ULK4: variants seen among roughly 807,000 people sequenced by gnomAD.
ULK4 encodes the protein unc-51 like kinase 4.
ULK4 carries 133 observed loss-of-function variants against 160.6 expected under a neutral mutation model. The ratio of observed to expected loss-of-function variants is 0.83; its 90% confidence interval spans 0.72 to 0.96. The LOEUF is 0.96. ULK4 is among the 40% of genes least tolerant of loss of function. The probability of loss-of-function intolerance (pLI) is 0.00; values close to 1 mark genes in which losing one functional copy is unlikely to be tolerated. For missense variants in ULK4, 1,580 were observed against 1,499.5 expected (o/e 1.05, Z -0.89); for synonymous variants, 534 against 539.8 (o/e 0.99, Z 0.15).
rs1247193105 is a variant in ULK4, at chr3:41,457,845, C to T, written c.3394-2250G>A. On this transcript the variant is annotated intron_variant, in intron 33 of 36. Transcript: ENST00000301831. The stretch of plus-strand genomic sequence containing the variant: ...CCCTTTTGTCATTGCTGTGTGTGAA[C>T]TCACCCCACTCCTAGCGATCCCCTA... Among the ~76,000 whole-genome samples, 5 of 152,254 alleles carry T rather than the reference C, an allele frequency of 3.3e-5. No homozygotes were observed. The South Asian group carries it at 8.3e-4, about 25-fold the overall frequency.
At chr3:41,364,514 T>A (rs545100343) in intron 35 of ULK4, among the ~76,000 whole-genome samples, 15 of 152,104 alleles carry the variant, frequency 9.9e-5, no homozygotes, top group African/African-American at 3.1e-4. Flanking sequence ...AAATCAATAT[T>A]TTTTTTTCCT....
At chr3:41,398,017 C>G (rs900100149) in intron 35 of ULK4, 62 bp downstream of exon 35, 3 of 1,526,202 alleles carry the variant, frequency 2.0e-6, no homozygotes, top group African/African-American at 1.4e-5. Flanking sequence ...AATGGCTACT[C>G]ACTGTCCATG....
intron 31 of ULK4, among the ~76,000 whole-genome samples, chr3:41,588,692 T>C (rs540093449): frequency 7.9e-5 from 12 of 152,286 alleles, no homozygotes; most frequent in African/African-American, 2.9e-4. Flanking sequence ...TTTATACCAA[T>C]AGACACAAAT....
intron 32 of ULK4, among the ~76,000 whole-genome samples, chr3:41,479,089 T>C (rs1323319539): frequency 6.6e-6 from 1 of 152,164 alleles, no homozygotes; most frequent in African/African-American, 2.4e-5. Context: ...CTGAAAGCTT[T>C]ATCAATTCAA....
intron 35 of ULK4, among the ~76,000 whole-genome samples, chr3:41,274,663 G>A (rs1030504215): frequency 2.0e-5 from 3 of 152,186 alleles, no homozygotes; most frequent in African/African-American, 7.2e-5. Flanking sequence ...AGAATACACG[G>A]TTATGACTAT....
At chr3:41,406,974 G>A (rs763004467) in intron 34 of ULK4, among the ~76,000 whole-genome samples, 4 of 152,304 alleles carry the variant, frequency 2.6e-5, no homozygotes, top group South Asian at 2.1e-4. Flanking sequence ...TATGTGCAGG[G>A]AGGACAACAG....
chr3:41,354,298 A>G (rs2080985323), intron 35 of ULK4, among the ~76,000 whole-genome samples: 1 of 152,140 alleles, frequency 6.6e-6, no homozygotes, highest in African/African-American at 2.4e-5. Flanking sequence ...GAACTCATGG[A>G]GAGGGGCCTT....
At chr3:41,904,891 C>A (rs1698498752) in intron 12 of ULK4, among the ~76,000 whole-genome samples, 1 of 152,168 alleles carries the variant, frequency 6.6e-6, no homozygotes, top group East Asian at 1.9e-4. Flanking sequence ...CGTGGAGGAA[C>A]ACTTAACATT....
chr3:41,470,370 C>A (rs1007152560), intron 32 of ULK4, among the ~76,000 whole-genome samples: 2 of 152,070 alleles, frequency 1.3e-5, no homozygotes, highest in African/African-American at 4.8e-5. Context: ...GAATATTTTA[C>A]CCAATAAAAT....
chr3:41,550,506 C>T (rs956416432), intron 32 of ULK4, among the ~76,000 whole-genome samples: 10 of 151,780 alleles, frequency 6.6e-5, no homozygotes, highest in Admixed American at 6.6e-4. Flanking sequence ...AGATAAAATA[C>T]ACTCAAAAAC....
intron 17 of ULK4, among the ~76,000 whole-genome samples, chr3:41,880,442 A>G (rs1269317593): frequency 6.6e-6 from 1 of 152,232 alleles, no homozygotes; most frequent in African/African-American, 2.4e-5. Context: ...TTACAAGGAT[A>G]GTAAAATAGA....
chr3:41,408,463 G>A (rs57968000), intron 34 of ULK4, among the ~76,000 whole-genome samples: 14 of 147,876 alleles, frequency 9.5e-5, no homozygotes, highest in South Asian at 6.5e-4. Flanking sequence ...ATTAAAGAGC[G>A]TCTACATAAA....
chr3:41,919,298 T>C (rs1401759408), intron 6 of ULK4, among the ~76,000 whole-genome samples: 3 of 152,126 alleles, frequency 2.0e-5, no homozygotes. Flanking sequence ...TACATAAAAA[T>C]TTATAAGGTC....
rs189931969 is a variant in ULK4, at chr3:41,903,819, C to T, written c.1183-2990G>A. ...AATAATTGTTATAAAATTATATTCC[C>T]TTGTTTCAAAATGAACACATATGTA... is the stretch of plus-strand genomic sequence containing the variant. On this transcript the variant is annotated intron_variant, in intron 12 of 36. Transcript: ENST00000301831. Among the ~76,000 whole-genome samples, 990 of 151,808 alleles carry T rather than the reference C, an allele frequency of 6.5e-3. 7 individuals are homozygous for T. Among genetic ancestry groups the T allele is most frequent in the African/African-American group, 0.022 (895 of 41,398 alleles).
chr3:41,441,394 G>C (rs1241779566), intron 34 of ULK4, among the ~76,000 whole-genome samples: 1 of 151,942 alleles, frequency 6.6e-6, no homozygotes, highest in Non-Finnish European at 1.5e-5. Flanking sequence ...TTTTTAATTT[G>C]ACCCATGACT....
chr3:41,904,120 A>C (rs77778906), intron 12 of ULK4, among the ~76,000 whole-genome samples: 18,580 of 152,128 alleles, frequency 0.12, 1,333 homozygotes, highest in Middle Eastern at 0.27. Context: ...TAATAGAATA[A>C]AAAGTATCAT....
intron 30 of ULK4, among the ~76,000 whole-genome samples, chr3:41,635,873 A>T (rs2033932949): frequency 6.6e-6 from 1 of 152,220 alleles, no homozygotes; most frequent in African/African-American, 2.4e-5. Context: ...TTGGGTTTTT[A>T]AAAATATATG....
chr3:41,537,981 G>A (rs1318313452), intron 32 of ULK4, among the ~76,000 whole-genome samples: 1 of 151,338 alleles, frequency 6.6e-6, no homozygotes, highest in African/African-American at 2.4e-5. Context: ...TGTTCAGGCA[G>A]ATATGCTTTC....
chr3:41,545,852 T>A (rs764730129), intron 32 of ULK4, among the ~76,000 whole-genome samples: 2 of 152,268 alleles, frequency 1.3e-5, no homozygotes, highest in Non-Finnish European at 1.5e-5. Context: ...TTTCTATTAA[T>A]CTTCTATGGT....
Sources: gnomAD v4.1 joint callset for allele counts (sites outside exome capture counted in the v4.1 genomes callset) on GRCh38, gnomAD v4.1.1 for gene constraint, MANE v1.5 for transcripts, NCBI Gene and HGNC (gene_info 2026-07-23, HGNC 2026-07-21) for gene names.